The following C5orf52 variants were observed in gnomAD, a reference collection of about 807,000 sequenced individuals.
The protein encoded by C5orf52 is uncharacterized protein C5orf52.
Under a neutral mutation model 16.8 loss-of-function variants are expected in C5orf52, and 15 were observed. The observed-to-expected ratio is 0.89, with a 90% CI of 0.60 to 1.38. C5orf52 has a LOEUF of 1.38. Among genes scored for constraint, C5orf52 ranks in the 40% most tolerant of loss-of-function variants. The pLI, the probability that C5orf52 is intolerant of heterozygous loss-of-function variation, is 0.00. For missense variants in C5orf52, 206 were observed against 213.1 expected, an observed-to-expected ratio of 0.97 and a Z score of 0.21; for synonymous variants, 83 against 87.2, an observed-to-expected ratio of 0.95 and a Z score of 0.27.
chr5:157,676,770 T>C (rs922144025), intron 2 of C5orf52, among the ~76,000 whole-genome samples: 2 of 152,282 alleles, frequency 1.3e-5, no homozygotes, highest in African/African-American at 2.4e-5. Context: ...GAGTCGCCAA[T>C]GTTTTTGGGG....
intron 2 of C5orf52, among the ~76,000 whole-genome samples, chr5:157,675,855 A>G (rs1179784927): frequency 5.3e-5 from 8 of 152,074 alleles, no homozygotes; most frequent in Non-Finnish European, 2.9e-5. Flanking sequence ...ACTTTTTGCT[A>G]TGGACAGGTA....
chr5:157,680,058 G>A lies in C5orf52; in HGVS notation c.*59G>A. 6.7e-7 allele frequency: 1 copy of A among 1,491,420 alleles called. No individual in the cohort carries two copies. The highest frequency in any genetic ancestry group is 9.0e-7 in the Non-Finnish European group (1 of 1,108,596). 92.4% of individuals were successfully genotyped at this position (1,491,420 alleles called of 1,614,324 possible). A position where few individuals can be genotyped will look rare whatever the true frequency, so the allele number is the denominator to read the frequency against. ...GTTCTGGCAAAGGGATCTGCCCCAG[G>A]GTCACGATGACACCAGTGTGACCCG... is the stretch of plus-strand genomic sequence containing the variant. On this transcript the variant is annotated 3_prime_UTR_variant, in exon 3 of 3. Coordinates refer to ENST00000409999, the MANE Select transcript of C5orf52 (RefSeq NM_001145132.2).
At chr5:157,678,719 C>A (rs111390535) in intron 2 of C5orf52, among the ~76,000 whole-genome samples, 1 of 152,140 alleles carries the variant, frequency 6.6e-6, no homozygotes, top group Non-Finnish European at 1.5e-5. Flanking sequence ...CCTTGGCCCC[C>A]CAAAGTGCTG....
chr5:157,676,309 G>A (rs1759893802), intron 2 of C5orf52, among the ~76,000 whole-genome samples: 1 of 152,108 alleles, frequency 6.6e-6, no homozygotes, highest in Non-Finnish European at 1.5e-5. Context: ...CTGACCTCAG[G>A]TGATCCACCC....
At chr5:157,672,543 T>A (rs998231076) in intron 1 of C5orf52, among the ~76,000 whole-genome samples, 2 of 152,082 alleles carry the variant, frequency 1.3e-5, no homozygotes, top group African/African-American at 4.8e-5. Context: ...GGATTTTTTT[T>A]AAACAACAAC....
intron 1 of C5orf52, among the ~76,000 whole-genome samples, chr5:157,673,670 C>T (rs936788876): frequency 4.0e-5 from 6 of 150,256 alleles, no homozygotes; most frequent in Non-Finnish European, 7.4e-5. Context: ...TTTTTTGAGA[C>T]GGAGTCTCAC....
chr5:157,676,167 G>A (rs558975826), intron 2 of C5orf52, among the ~76,000 whole-genome samples: 5 of 152,200 alleles, frequency 3.3e-5, no homozygotes, highest in African/African-American at 4.8e-5. Flanking sequence ...TCTACCTCCC[G>A]GGTTAAGCAA....
chr5:157,673,911 G>A (rs2113865228), intron 1 of C5orf52, among the ~76,000 whole-genome samples: 1 of 152,284 alleles, frequency 6.6e-6, no homozygotes, highest in African/African-American at 2.4e-5. Context: ...CTCCCAAAGT[G>A]CTGGGACTAC....
rs2113863631 is a variant in C5orf52, at chr5:157,671,617, GAC to G, written c.7_8del (p.Gln3AlafsTer3). The G allele has an allele frequency of 1.3e-6, 2 of 1,547,472 alleles. No individual in the cohort carries two copies. Among genetic ancestry groups the G allele is most frequent in the Non-Finnish European group, 1.7e-6 (2 of 1,145,022 alleles). On this transcript the variant is annotated frameshift_variant, in exon 1 of 3. Coordinates refer to ENST00000409999, the MANE Select transcript of C5orf52 (RefSeq NM_001145132.2). LOFTEE classifies it high-confidence loss of function. ...CTTTCTCCAACAGGGAAGCCGCAAT[GAC>G]ACAGCCGACTAGGCCCTCGGTCACC... Reference protein sequence around the residue: MTQPTRPSVTCD... With the variant: MXQPTRPSVTCD...
rs1334335616 is a variant in C5orf52, at chr5:157,675,114, G to A, written c.235G>A (p.Ala79Thr). The A allele has an allele frequency of 6.4e-7, 1 of 1,551,066 alleles. No individual in the cohort carries two copies. Among genetic ancestry groups the A allele is most frequent in the South Asian group, 1.2e-5 (1 of 84,034 alleles). The change falls in exon 2 of 3, where the codon GCG (alanine) becomes ACG (threonine). Residue 79 changes from alanine to threonine, a missense_variant. Ala to Thr is a moderately conservative substitution (Grantham distance 58). Coordinates refer to ENST00000409999, the MANE Select transcript of C5orf52 (RefSeq NM_001145132.2). The part of the protein sequence containing the change: ...LFSLMNSSEA[A>T]MKKTLPKSHL... ...CAGCTTAATGAATTCCAGTGAAGCA[G>A]CGATGAAAAAAACTTTACCCAAGAG...
At chr5:157,674,907 A>G (rs1478187631) in intron 1 of C5orf52, among the ~76,000 whole-genome samples, 185 bp from the exon 2 acceptor site, 1 of 152,204 alleles carries the variant, frequency 6.6e-6, no homozygotes, top group Non-Finnish European at 1.5e-5. Flanking sequence ...ATACCCCTTT[A>G]GCATACCTTT....
intron 2 of C5orf52, 126 bp downstream of exon 2, chr5:157,675,326 C>T (rs766982264): frequency 1.6e-6 from 1 of 612,802 alleles, no homozygotes; most frequent in Non-Finnish European, 2.8e-6. Flanking sequence ...TAAGGCAGGC[C>T]CCATTTTACA....
rs532398487 is a variant in C5orf52, at chr5:157,671,745, G to A, written c.131G>A (p.Arg44His). ...GSNYQRDRLG[R>H]RPEIGVGGQP... ...AACTACCAGCGCGATAGACTCGGCCGCCGCCCAGAAATCGGCGTAGGGGGT... is the reference window on the plus strand; with the variant it reads ...AACTACCAGCGCGATAGACTCGGCCACCGCCCAGAAATCGGCGTAGGGGGT... Residue 44 changes from arginine (R) to histidine (H), a missense_variant, in exon 1 of 3, where the codon CGC becomes CAC. By Grantham distance (29) the Arg-to-His change is conservative. Transcript: ENST00000409999. 5.7e-5 allele frequency: 89 copies of A among 1,551,094 alleles called. No individual in the cohort carries two copies. Among genetic ancestry groups the A allele is most frequent in the Non-Finnish European group, 7.2e-5 (82 of 1,146,786 alleles).
At position 157,671,776 on chromosome 5, in the gene C5orf52, G is replaced by T; in HGVS notation, c.162G>T (p.Pro54=). 6.5e-7 allele frequency: 1 copy of T among 1,549,878 alleles called. No homozygotes were observed. The highest frequency in any genetic ancestry group is 8.7e-7 in the Non-Finnish European group (1 of 1,146,236). The change falls in exon 1 of 3, where the codon CCG becomes CCT. Residue 54 remains proline (P), a synonymous_variant. Transcript: ENST00000409999. Reference sequence around the variant, plus strand: ...CAGAAATCGGCGTAGGGGGTCAGCCGCAGATCTGCTTTCCGCGGCCGAGGT... The same window carrying T: ...CAGAAATCGGCGTAGGGGGTCAGCCTCAGATCTGCTTTCCGCGGCCGAGGT... The part of the protein sequence containing the change: ...RRPEIGVGGQ[P]QICFPRPRSA...
In C5orf52 at chr5:157,679,931, G is replaced by C. The variant is rs572452971; in HGVS notation, c.412G>C (p.Gly138Arg). 6 of 1,551,718 alleles carry C rather than the reference G, an allele frequency of 3.9e-6. No homozygotes were observed. Among genetic ancestry groups the C allele is most frequent in the Non-Finnish European group, 5.2e-6 (6 of 1,147,006 alleles). Residue 138 changes from glycine to arginine, a missense_variant, in exon 3 of 3, where the codon GGG becomes CGG. Gly to Arg is a moderately radical substitution (Grantham distance 125). Coordinates refer to ENST00000409999, the MANE Select transcript of C5orf52 (RefSeq NM_001145132.2). ...KFMTEQLRKL[G>R]RWREESVNSN... ...CATGACAGAGCAGCTCAGAAAGCTC[G>C]GGCGATGGAGAGAGGAATCCGTGAA...
At chr5:157,675,922 C>A (rs1053450275) in intron 2 of C5orf52, among the ~76,000 whole-genome samples, 3 of 152,078 alleles carry the variant, frequency 2.0e-5, no homozygotes, top group African/African-American at 7.2e-5. Flanking sequence ...TTCCCATAGA[C>A]CCTGATTGAT....
At chr5:157,674,828 C>G (rs1013876043) in intron 1 of C5orf52, among the ~76,000 whole-genome samples, 1 of 152,104 alleles carries the variant, frequency 6.6e-6, no homozygotes, top group Non-Finnish European at 1.5e-5. Context: ...TCCTGATAAC[C>G]CTTCTCTTAA....
At chr5:157,671,387 C>T (rs1018865434), upstream of C5orf52, 1 of 553,084 alleles carries the variant, frequency 1.8e-6, no homozygotes. Flanking sequence ...GGTCTCACCA[C>T]GGCGGATGCC....
chr5:157,677,668 AAGAAAAG>A (rs1262846586), intron 2 of C5orf52, among the ~76,000 whole-genome samples: 3 of 136,064 alleles, frequency 2.2e-5, no homozygotes, highest in African/African-American at 9.0e-5. Flanking sequence ...AAAAAAAAAA[AAGAAAAG>A]AAAAGAAAAG....
Sources: gnomAD v4.1 joint callset for allele counts (sites outside exome capture counted in the v4.1 genomes callset) on GRCh38, gnomAD v4.1.1 for gene constraint, MANE v1.5 for transcripts, NCBI Gene and HGNC (gene_info 2026-07-23, HGNC 2026-07-21) for gene names.